The following DPP10 variants were observed in gnomAD, a reference collection of about 807,000 sequenced individuals.
The protein encoded by DPP10 is inactive dipeptidyl peptidase 10.
A neutral mutation model predicts 120.9 loss-of-function variants in DPP10; 33 were observed. The observed-to-expected ratio is 0.27, with a 90% confidence interval of 0.21 to 0.37. DPP10 has a LOEUF of 0.37. DPP10 is among the 10% of genes least tolerant of loss of function. The pLI, the probability that DPP10 is intolerant of heterozygous loss-of-function variation, is 1.00. For missense variants in DPP10, 816 were observed against 942.8 expected, an observed-to-expected ratio of 0.87 and a Z score of 1.76; for synonymous variants, 337 against 326.1, an observed-to-expected ratio of 1.03 and a Z score of -0.36.
chr2:114,764,284 CT>C (rs201499611), intron 1 of DPP10, among the ~76,000 whole-genome samples: 6,007 of 126,008 alleles, frequency 0.048, 136 homozygotes, highest in South Asian at 0.11. Flanking sequence ...CTTAAATTGC[CT>C]TTTTTTTTTT....
At chr2:115,660,222 C>T (rs1575461780) in intron 5 of DPP10, among the ~76,000 whole-genome samples, 1 of 152,180 alleles carries the variant, frequency 6.6e-6, no homozygotes, top group East Asian at 1.9e-4. Flanking sequence ...TTGACATAAA[C>T]TCCAACTATG....
intron 1 of DPP10, among the ~76,000 whole-genome samples, chr2:115,037,777 A>C (rs1573391608): frequency 6.6e-6 from 1 of 152,344 alleles, no homozygotes; most frequent in East Asian, 1.9e-4. Flanking sequence ...CGGTATCTAC[A>C]TTTCTCATTC....
chr2:114,519,033 C>T (rs988987262), intron 1 of DPP10, among the ~76,000 whole-genome samples: 7 of 152,158 alleles, frequency 4.6e-5, no homozygotes, highest in East Asian at 1.9e-4. Context: ...TGAAAGAGAT[C>T]GAAGGCCTAC....
chr2:115,513,665 G>A (rs184336662), intron 4 of DPP10, among the ~76,000 whole-genome samples: 1 of 151,990 alleles, frequency 6.6e-6, no homozygotes, highest in Non-Finnish European at 1.5e-5. Context: ...TTCATTTCAT[G>A]TTTTTCACCC....
At chr2:115,522,847 A>G (rs868235403) in intron 4 of DPP10, among the ~76,000 whole-genome samples, 2 of 152,178 alleles carry the variant, frequency 1.3e-5, no homozygotes, top group South Asian at 4.1e-4. Flanking sequence ...CCAAACCACA[A>G]TTTGAAGTCA....
intron 5 of DPP10, among the ~76,000 whole-genome samples, chr2:115,617,824 C>T (rs2084643298): frequency 6.6e-6 from 1 of 152,004 alleles, no homozygotes; most frequent in Non-Finnish European, 1.5e-5. Flanking sequence ...ATGTCCATAC[C>T]TATGATAAAA....
intron 15 of DPP10, among the ~76,000 whole-genome samples, chr2:115,778,697 G>A (rs1559142835): frequency 1.3e-5 from 2 of 152,062 alleles, no homozygotes; most frequent in Non-Finnish European, 2.9e-5. Context: ...TCCTTTGAGA[G>A]TAAAAATGCA....
intron 1 of DPP10, among the ~76,000 whole-genome samples, chr2:115,174,331 T>TAAA (rs1287930793): frequency 6.6e-6 from 1 of 152,184 alleles, no homozygotes; most frequent in Non-Finnish European, 1.5e-5. Flanking sequence ...TATTTGTCAA[T>TAAA]AATTTAACTT....
At chr2:114,525,094 C>T (rs939947902) in intron 1 of DPP10, among the ~76,000 whole-genome samples, 2 of 152,146 alleles carry the variant, frequency 1.3e-5, no homozygotes, top group Non-Finnish European at 2.9e-5. Flanking sequence ...TTGAGTTCTC[C>T]TTAGAGGTTT....
chr2:115,254,857 C>A lies in DPP10; in HGVS notation c.61-54382C>A, dbSNP rs191303595. On this transcript the variant is annotated intron_variant, in intron 1 of 25. Coordinates refer to ENST00000410059, the MANE Select transcript of DPP10 (RefSeq NM_020868.6). ...GAGGTGGGCTCCCACAGCATTTGGC[C>A]GCTCCATCCCTGTGGCTTTTCGGGG... Among the ~76,000 whole-genome samples, 554 of 152,290 alleles carry A rather than the reference C, an allele frequency of 3.6e-3. 5 individuals are homozygous for A. The highest frequency in any genetic ancestry group is 0.012 in the African/African-American group (490 of 41,570).
intron 1 of DPP10, among the ~76,000 whole-genome samples, chr2:114,552,140 G>C (rs1687933349): frequency 6.6e-6 from 1 of 152,220 alleles, no homozygotes; most frequent in African/African-American, 2.4e-5. Flanking sequence ...TCAAATCCCA[G>C]CTTTTTCAGC....
Position 115,242,794 on chromosome 2 carries a change from ATAGCT to A in DPP10, c.61-66439_61-66435del, listed in dbSNP as rs773852352. On this transcript the variant is annotated intron_variant, in intron 1 of 25. Coordinates refer to ENST00000410059, the MANE Select transcript of DPP10 (RefSeq NM_020868.6). ...TGAGCATTTTTTCACATTTGAAAAC[ATAGCT>A]TAGCTCCCACTTATAACTGGGGGCC... 2.0e-5 allele frequency among the ~76,000 whole-genome samples: 3 copies of A among 151,910 alleles called. No individual in the cohort carries two copies. In the East Asian group the frequency reaches 5.8e-4, roughly 29 times the overall value.
At chr2:115,024,489 T>C (rs1186094226) in intron 1 of DPP10, among the ~76,000 whole-genome samples, 1 of 151,756 alleles carries the variant, frequency 6.6e-6, no homozygotes, top group African/African-American at 2.4e-5. Context: ...GGATTTATAG[T>C]ACACGTACAT....
chr2:115,744,524 A>C (rs1677703429), intron 9 of DPP10, among the ~76,000 whole-genome samples: 1 of 150,346 alleles, frequency 6.7e-6, no homozygotes. Flanking sequence ...CTCATAGCTT[A>C]TCTTCCAGGA....
intron 1 of DPP10, among the ~76,000 whole-genome samples, chr2:115,231,947 G>T (rs1427932297): frequency 6.6e-6 from 1 of 152,180 alleles, no homozygotes. Flanking sequence ...ACCAACTTTT[G>T]TGGGTGAGTT....
chr2:115,722,191 C>T (rs948382914), intron 7 of DPP10, among the ~76,000 whole-genome samples: 9 of 151,964 alleles, frequency 5.9e-5, no homozygotes, highest in Admixed American at 3.3e-4. Context: ...AACATTATAC[C>T]TACAGTCAAT....
rs2059586513 is a variant in DPP10, at chr2:115,269,139, T to C, written c.61-40100T>C. Among the ~76,000 whole-genome samples, 4 of 152,258 alleles carry C rather than the reference T, an allele frequency of 2.6e-5. No individual in the cohort carries two copies. In the South Asian group the frequency reaches 8.3e-4, roughly 32 times the overall value. On this transcript the variant is annotated intron_variant, in intron 1 of 25. Coordinates refer to ENST00000410059, the MANE Select transcript of DPP10 (RefSeq NM_020868.6). ...TCCAGCCTAGGTGACAGAGTGAGAC[T>C]CCGTCTCAAAGAAAAAAAGAAAAGA...
chr2:115,067,353 G>A (rs942428186), intron 1 of DPP10, among the ~76,000 whole-genome samples: 9 of 151,624 alleles, frequency 5.9e-5, no homozygotes, highest in Admixed American at 3.3e-4. Flanking sequence ...CCGGGTTCCC[G>A]CCATTCTCCT....
In DPP10 at chr2:115,387,384, T is replaced by A. The variant is rs191710513; in HGVS notation, c.271+43472T>A. 4.4e-3 allele frequency among the ~76,000 whole-genome samples: 665 copies of A among 152,328 alleles called. 5 individuals carry two copies. Among genetic ancestry groups the A allele is most frequent in the African/African-American group, 0.015 (630 of 41,590 alleles). On this transcript the variant is annotated intron_variant, in intron 3 of 25. Coordinates refer to ENST00000410059, the MANE Select transcript of DPP10 (RefSeq NM_020868.6). ...TTTCCTTTAACAATTGAAAAGAAAT[T>A]ACAGAGATTTACTATAAATTTCTCA...
Sources: allele counts gnomAD v4.1 joint callset (sites outside exome capture counted in the v4.1 genomes callset), GRCh38; gene constraint gnomAD v4.1.1; transcripts MANE v1.5; gene names NCBI Gene and HGNC (gene_info 2026-07-23, HGNC 2026-07-21).